Variants in C15orf61 observed in about 807,000 individuals in gnomAD.
The protein encoded by C15orf61 is chromosome 15 open reading frame 61.
Under a neutral mutation model 13.7 loss-of-function variants are expected in C15orf61, and 12 were observed. The observed-to-expected ratio is 0.88, with a 90% confidence interval of 0.56 to 1.42. The LOEUF (loss-of-function observed/expected upper bound fraction) is 1.42. Among genes scored for constraint, C15orf61 ranks in the 40% most tolerant of loss-of-function variants. The pLI is 0.00. For synonymous variants in C15orf61, 92 were observed against 94.1 expected (o/e 0.98, Z 0.13); for missense variants, 248 against 213.2 (o/e 1.16, Z -1.02).
intron 1 of C15orf61, among the ~76,000 whole-genome samples, chr15:67,524,993 C>T (rs991871716): frequency 4.6e-5 from 7 of 152,016 alleles, no homozygotes; most frequent in East Asian, 1.9e-4. Flanking sequence ...TGCGCCATCA[C>T]GCCCAGCTAA....
rs752467537 is a variant in C15orf61, at chr15:67,528,575, G to A, written c.*2030G>A. ...ATTTATTAAGTCTTGTAAACTTGTA[G>A]TCTGAAAACAATACTTCCCATTGAA... On this transcript the variant is annotated 3_prime_UTR_variant, in exon 2 of 2. Coordinates refer to ENST00000342683, the MANE Select transcript of C15orf61 (RefSeq NM_001143936.2). 4 of 152,148 alleles carry A rather than the reference G, an allele frequency of 2.6e-5. No homozygotes were observed. Among genetic ancestry groups the A allele is most frequent in the Admixed American group, 1.3e-4 (2 of 15,270 alleles). The allele number at this position is 152,148 out of a possible 1,614,324, so 9.4% of individuals were successfully genotyped here.
chr15:67,527,322 A>G lies in C15orf61; in HGVS notation c.*777A>G, dbSNP rs982137587. On this transcript the variant is annotated 3_prime_UTR_variant, in exon 2 of 2. Transcript: ENST00000342683. Reference sequence around the variant, plus strand: ...AAAGCAATTAACTGAAATGGTACATATCCATAGACTTATTGGCAATAAGGA... The same window carrying G: ...AAAGCAATTAACTGAAATGGTACATGTCCATAGACTTATTGGCAATAAGGA... The G allele has an allele frequency of 3.3e-5, 5 of 152,218 alleles. No individual in the cohort carries two copies. The highest frequency in any genetic ancestry group is 1.2e-4 in the African/African-American group (5 of 41,470). 9.4% of individuals were successfully genotyped at this position (152,218 alleles called of 1,614,324 possible). A position where few individuals can be genotyped will look rare whatever the true frequency, so the allele number is the denominator to read the frequency against.
chr15:67,522,014 AC>A (rs762042390), intron 1 of C15orf61: 1 of 698,512 alleles, frequency 1.4e-6, no homozygotes, highest in South Asian at 1.5e-5. Context: ...TGTTGCAATA[AC>A]TGGAACTACT....
In C15orf61 at chr15:67,521,229, C is replaced by A; in HGVS notation, c.-20C>A. ...GCCAGCGGCTGCGGACACCAGCCTG[C>A]GTCCCCGGCGCGGCGGGCCATGGAG... On this transcript the variant is annotated 5_prime_UTR_variant, in exon 1 of 2. Coordinates refer to ENST00000342683, the MANE Select transcript of C15orf61 (RefSeq NM_001143936.2). The A allele has an allele frequency of 8.2e-7, 1 of 1,212,974 alleles. No individual in the cohort carries two copies. Among genetic ancestry groups the A allele is most frequent in the Admixed American group, 4.3e-5 (1 of 23,312 alleles). 75.1% of individuals were successfully genotyped at this position (1,212,974 alleles called of 1,614,324 possible). A position where few individuals can be genotyped will look rare whatever the true frequency, so the allele number is the denominator to read the frequency against.
At chr15:67,523,540 T>A (rs1373589831) in intron 1 of C15orf61, among the ~76,000 whole-genome samples, 2 of 152,162 alleles carry the variant, frequency 1.3e-5, no homozygotes, top group Non-Finnish European at 2.9e-5. Flanking sequence ...TAGATTGAGA[T>A]TTAAGAAAAG....
rs1171715932 is a variant in C15orf61 at position 67,521,465 on chromosome 15, C to T, written c.217C>T (p.Gln73Ter). The change falls in exon 1 of 2, where the codon CAG becomes TAG. Residue 73 changes from glutamine to a stop codon, truncating the protein, a stop_gained. Transcript: ENST00000342683. LOFTEE classifies it high-confidence loss of function. ...FGLSHFNWPV[Q>*]GANYHVLRTG... ...CCTCTCGCACTTCAACTGGCCGGTG[C>T]AGGGCGCCAACTACCACGTCCTGCG... 6.5e-7 allele frequency: 1 copy of T among 1,548,154 alleles called. No individual in the cohort carries two copies.
chr15:67,521,789 C>G (rs1340059892), intron 1 of C15orf61, 195 bp downstream of exon 1: 1 of 658,504 alleles, frequency 1.5e-6, no homozygotes, highest in Non-Finnish European at 2.6e-6. Flanking sequence ...CTCCTGGCAC[C>G]CGAAGCCGTT....
Position 67,521,170 on chromosome 15 carries a change from C to T in C15orf61, c.-79C>T, listed in dbSNP as rs1002245612. 1.8e-5 allele frequency: 18 copies of T among 1,015,646 alleles called. No individual in the cohort carries two copies. Among genetic ancestry groups the T allele is most frequent in the Non-Finnish European group, 2.2e-5 (18 of 812,636 alleles). The allele number at this position is 1,015,646 out of a possible 1,614,324, so 62.9% of individuals were successfully genotyped here. ...CGGGCACCCGCGCGGCGCCGGTTGGCCTTCCCGGCGCTCGCCCGGGGGCGC... is the reference window on the plus strand; with the variant it reads ...CGGGCACCCGCGCGGCGCCGGTTGGTCTTCCCGGCGCTCGCCCGGGGGCGC... On this transcript the variant is annotated 5_prime_UTR_variant, in exon 1 of 2. Coordinates refer to ENST00000342683, the MANE Select transcript of C15orf61 (RefSeq NM_001143936.2).
chr15:67,521,363 C>A lies in C15orf61; in HGVS notation c.115C>A (p.His39Asn). The A allele has an allele frequency of 6.5e-7, 1 of 1,537,778 alleles. No homozygotes were observed. The stretch of plus-strand genomic sequence containing the variant: ...CAGCGCCTCGGAGGTGCTGACGCGG[C>A]ATCTGCTGCAGCGGCGCCTGCCGCA... ...KPSASEVLTR[H>N]LLQRRLPHWT... is the part of the protein sequence containing the mutation. Residue 39 changes from histidine to asparagine, a missense_variant, in exon 1 of 2, where the codon CAT becomes AAT. By Grantham distance (68) the His-to-Asn change is moderately conservative. Coordinates refer to ENST00000342683, the MANE Select transcript of C15orf61 (RefSeq NM_001143936.2).
rs1326232771 is a variant in C15orf61, at chr15:67,529,664, GC to G, written c.*3121del. 6.6e-6 allele frequency: 1 copy of G among 152,186 alleles called. No homozygotes were observed. Among genetic ancestry groups the G allele is most frequent in the Non-Finnish European group, 1.5e-5 (1 of 68,046 alleles). The allele number at this position is 152,186 out of a possible 1,614,324, so 9.4% of individuals were successfully genotyped here. ...TTGAACTCCTGATCTCAGGTGATCT[GC>G]CGGCCTCGGCCTCCCAAAGTGCTGG... On this transcript the variant is annotated 3_prime_UTR_variant, in exon 2 of 2. Transcript: ENST00000342683. The surrounding 1 kb of genome is among the most constrained non-coding windows in gnomAD (Gnocchi z 4.4).
At position 67,523,428 on chromosome 15, in the gene C15orf61, A is replaced by T. The variant is rs1218814770; in HGVS notation, c.346+1834A>T. On this transcript the variant is annotated intron_variant, in intron 1 of 1. Coordinates refer to ENST00000342683, the MANE Select transcript of C15orf61 (RefSeq NM_001143936.2). ...CATTTTTCCATTTTGTAAATAATAA[A>T]GATTTCTGTTTACCCATTTGCTCCT... Among the ~76,000 whole-genome samples, 5 of 152,074 alleles carry T rather than the reference A, an allele frequency of 3.3e-5. No homozygotes were observed. The East Asian group carries it at 7.7e-4, about 23-fold the overall frequency.
chr15:67,521,518 C>T lies in C15orf61; in HGVS notation c.270C>T (p.Tyr90=), dbSNP rs1018955605. 1.4e-5 allele frequency: 21 copies of T among 1,548,308 alleles called. No homozygotes were observed. Among genetic ancestry groups the T allele is most frequent in the Non-Finnish European group, 1.7e-5 (20 of 1,146,686 alleles). The change falls in exon 1 of 2, where the codon TAC becomes TAT. Residue 90 remains tyrosine (Y), a synonymous_variant. Transcript: ENST00000342683. The part of the protein sequence containing the change: ...LRTGCFPFIK[Y]HCSKAPWQDL... ...CCGGCTGCTTCCCCTTCATCAAGTA[C>T]CACTGCTCCAAGGCTCCCTGGCAGG...
chr15:67,521,492 A>G lies in C15orf61; in HGVS notation c.244A>G (p.Thr82Ala). ...VQGANYHVLR[T>A]GCFPFIKYHC... ...GGGCGCCAACTACCACGTCCTGCGC[A>G]CCGGCTGCTTCCCCTTCATCAAGTA... Residue 82 changes from threonine (T) to alanine (A), a missense_variant, in exon 1 of 2, where the codon ACC becomes GCC. By Grantham distance (58) the Thr-to-Ala change is moderately conservative (BLOSUM62 0). Transcript: ENST00000342683. 1.3e-6 allele frequency: 2 copies of G among 1,548,526 alleles called. No homozygotes were observed. Among genetic ancestry groups the G allele is most frequent in the Non-Finnish European group, 1.7e-6 (2 of 1,146,724 alleles).
In C15orf61 at chr15:67,526,541, A is replaced by ATT; in HGVS notation, c.471_472dup (p.Ter158PhefsTer9). On this transcript the variant is annotated frameshift_variant, in exon 2 of 2. Coordinates refer to ENST00000342683, the MANE Select transcript of C15orf61 (RefSeq NM_001143936.2). LOFTEE classifies it high-confidence loss of function. ...AATAAAGAAGATGAAGGTGCCATGT[A>ATT]TTGAAAGTGTGCGTCAAAGAACATA... 1 of 1,523,096 alleles carries ATT rather than the reference A, an allele frequency of 6.6e-7. No individual in the cohort carries two copies. The highest frequency in any genetic ancestry group is 8.8e-7 in the Non-Finnish European group (1 of 1,133,116). The allele number at this position is 1,523,096 out of a possible 1,614,324, so 94.3% of individuals were successfully genotyped here.
rs994105311 is a variant in C15orf61 at position 67,528,828 on chromosome 15, A to G, written c.*2283A>G. The G allele has an allele frequency of 6.6e-6, 1 of 152,238 alleles. No individual in the cohort carries two copies. Among genetic ancestry groups the G allele is most frequent in the Admixed American group, 6.5e-5 (1 of 15,284 alleles). 9.4% of individuals were successfully genotyped at this position (152,238 alleles called of 1,614,324 possible). A position where few individuals can be genotyped will look rare whatever the true frequency, so the allele number is the denominator to read the frequency against. On this transcript the variant is annotated 3_prime_UTR_variant, in exon 2 of 2. Coordinates refer to ENST00000342683, the MANE Select transcript of C15orf61 (RefSeq NM_001143936.2). ...GAGACATTTCTACCCGAAAATGTAC[A>G]TCAATTTTACTTTTGTCTCTGCAAA...
At chr15:67,521,997 G>A (rs2084168856) in intron 1 of C15orf61, 2 of 696,608 alleles carry the variant, frequency 2.9e-6, no homozygotes, top group South Asian at 3.0e-5. Flanking sequence ...CTTTGCAGCT[G>A]CGTTTATGTT....
At chr15:67,521,952 C>T in intron 1 of C15orf61, 1 of 690,412 alleles carries the variant, frequency 1.4e-6, no homozygotes, top group Non-Finnish European at 2.6e-6. Flanking sequence ...GACATCCGTC[C>T]TACTGCATGG....
At chr15:67,522,941 G>C (rs2084176773) in intron 1 of C15orf61, among the ~76,000 whole-genome samples, 1 of 152,112 alleles carries the variant, frequency 6.6e-6, no homozygotes, top group Admixed American at 6.5e-5. Flanking sequence ...TTTAGATTTA[G>C]AGATTAAGAC....
intron 1 of C15orf61, 79 bp downstream of exon 1, chr15:67,521,673 C>G: frequency 7.6e-7 from 1 of 1,313,464 alleles, no homozygotes; most frequent in Non-Finnish European, 1.0e-6. Context: ...ACGTGACGAA[C>G]GCTCGCAGGC....
Sources: gnomAD v4.1 joint callset for allele counts (sites outside exome capture counted in the v4.1 genomes callset) on GRCh38, gnomAD v4.1.1 for gene constraint, Gnocchi (gnomAD v3.1) non-coding constraint, MANE v1.5 for transcripts, NCBI Gene and HGNC (gene_info 2026-07-23, HGNC 2026-07-21) for gene names.